The following ITPR1 variants were observed in gnomAD, a reference collection of about 807,000 sequenced individuals.
ITPR1 encodes inositol 1,4,5-trisphosphate-gated calcium channel ITPR1.
ITPR1 carries 96 observed loss-of-function variants against 318.4 expected under a neutral mutation model. The observed-to-expected ratio is 0.30, with a 90% CI of 0.26 to 0.36. ITPR1 has a LOEUF of 0.36. Ranked by LOEUF, ITPR1 falls within the 10% of genes least tolerant of loss-of-function variation. The pLI is 1.00. For missense variants in ITPR1, 2,440 were observed against 3,460.2 expected (o/e 0.71, Z 7.40); for synonymous variants, 1,312 against 1,289.9 (o/e 1.02, Z -0.37).
chr3:4,650,442 T>G (rs953222867), intron 10 of ITPR1, among the ~76,000 whole-genome samples: 7 of 152,228 alleles, frequency 4.6e-5, no homozygotes, highest in Non-Finnish European at 1.0e-4. Context: ...TTAAAGATTT[T>G]GATCCATTGT....
chr3:4,842,740 A>T (rs535400943), intron 61 of ITPR1, among the ~76,000 whole-genome samples: 43 of 152,366 alleles, frequency 2.8e-4, no homozygotes, highest in Middle Eastern at 3.4e-3. Context: ...TTTTGAATAC[A>T]GTTACCATAG....
At chr3:4,820,828 C>T (rs774042659) in intron 60 of ITPR1, among the ~76,000 whole-genome samples, 9 of 152,134 alleles carry the variant, frequency 5.9e-5, no homozygotes, top group South Asian at 2.1e-4. Context: ...ATCCCTGCTG[C>T]GGACTCCTAA....
chr3:4,813,196 A>G lies in ITPR1; in HGVS notation c.7523A>G (p.Glu2508Gly). 6.2e-7 allele frequency: 1 copy of G among 1,613,572 alleles called. No homozygotes were observed. Among genetic ancestry groups the G allele is most frequent in the African/African-American group, 1.3e-5 (1 of 75,000 alleles). ...CTGTTCTCCGATGTGTGTAGGGTGG[A>G]GAGTGGGGAGAACTGCTCCTCTCCT... ...EFLFSDVCRVESGENCSSPAP... is the reference protein window; with the variant it reads ...EFLFSDVCRVGSGENCSSPAP... Residue 2508 changes from glutamate to glycine, a missense_variant, in exon 57 of 62, where the codon GAG becomes GGG. Glu to Gly is a moderately conservative substitution (Grantham distance 98). Around this residue, in one of 23 missense-constraint regions of ITPR1, gnomAD observed 88 missense variants for 90.5 expected, o/e 0.97. Transcript: ENST00000649015.
chr3:4,690,136 G>T (rs920651033), intron 31 of ITPR1, among the ~76,000 whole-genome samples: 1 of 152,136 alleles, frequency 6.6e-6, no homozygotes, highest in African/African-American at 2.4e-5. Context: ...TATTAGTTGG[G>T]TATGATGGTG....
chr3:4,817,682 G>A (rs901855), intron 59 of ITPR1: 147,840 of 155,844 alleles, frequency 0.95, 70,613 homozygotes, highest in East Asian at 1. Context: ...ACCTTAACAT[G>A]TCTGCATTTT....
At chr3:4,586,987 A>G (rs1392053491) in intron 4 of ITPR1, among the ~76,000 whole-genome samples, 1 of 152,076 alleles carries the variant, frequency 6.6e-6, no homozygotes, top group Admixed American at 6.5e-5. Context: ...GCTTGATTGT[A>G]CTGGGAATCA....
chr3:4,545,093 G>C (rs1371251033), intron 4 of ITPR1, among the ~76,000 whole-genome samples: 31 of 152,164 alleles, frequency 2.0e-4, no homozygotes, highest in Non-Finnish European at 2.9e-5. Context: ...ACTGTGCTCA[G>C]CCTGGAGCTT....
At position 4,846,644 on chromosome 3, in the gene ITPR1, A is replaced by G. The variant is rs2051800802; in HGVS notation, c.*419A>G. The stretch of plus-strand genomic sequence containing the variant: ...CTCCCGAGTGTCCTAAAGGGAGTGC[A>G]CTTCTTTGAAGCTGGTGTGTTAATA... On this transcript the variant is annotated 3_prime_UTR_variant, in exon 62 of 62. Coordinates refer to ENST00000649015, the MANE Select transcript of ITPR1 (RefSeq NM_001378452.1). 6.5e-6 allele frequency: 1 copy of G among 153,758 alleles called. No individual in the cohort carries two copies. The highest frequency in any genetic ancestry group is 2.4e-5 in the African/African-American group (1 of 41,478). 9.5% of individuals were successfully genotyped at this position (153,758 alleles called of 1,614,324 possible).
rs2125423322 is a variant in ITPR1, at chr3:4,800,496, C to T, written c.7003C>T (p.Leu2335Phe). The change falls in exon 54 of 62, where the codon CTC becomes TTC. Residue 2335 changes from leucine to phenylalanine, a missense_variant. Transcript: ENST00000649015. Reference protein sequence around the residue: ...MLISLAIVIALPKPHGIRALI... With the variant: ...MLISLAIVIAFPKPHGIRALI... Reference sequence around the variant, plus strand: ...CATCTCTCTGGCCATCGTCATTGCCCTCCCCAAGCCCCATGGCATCCGGGC... The same window carrying T: ...CATCTCTCTGGCCATCGTCATTGCCTTCCCCAAGCCCCATGGCATCCGGGC... The T allele has an allele frequency of 6.2e-7, 1 of 1,613,996 alleles. No homozygotes were observed. Among genetic ancestry groups the T allele is most frequent in the South Asian group, 1.1e-5 (1 of 91,074 alleles).
At chr3:4,699,194 A>G (rs2094604221) in intron 34 of ITPR1, among the ~76,000 whole-genome samples, 1 of 151,932 alleles carries the variant, frequency 6.6e-6, no homozygotes, top group African/African-American at 2.4e-5. Flanking sequence ...ACTAAAAAAA[A>G]AAAAATACAA....
chr3:4,743,418 G>A (rs757327835), intron 44 of ITPR1, among the ~76,000 whole-genome samples: 11 of 152,232 alleles, frequency 7.2e-5, no homozygotes, highest in Non-Finnish European at 1.3e-4. Context: ...GTCATCCTTA[G>A]CGCAGCTCTC....
chr3:4,545,691 C>G (rs1271242527), intron 4 of ITPR1, among the ~76,000 whole-genome samples: 1 of 103,404 alleles, frequency 9.7e-6, no homozygotes, highest in Non-Finnish European at 1.9e-5. Context: ...AGTATGCAAA[C>G]TTTTTTTTTT....
At chr3:4,588,014 T>G (rs2090067204) in intron 4 of ITPR1, among the ~76,000 whole-genome samples, 1 of 152,176 alleles carries the variant, frequency 6.6e-6, no homozygotes, top group Non-Finnish European at 1.5e-5. Context: ...CTGTATTGAT[T>G]TTCCCCCCTC....
intron 30 of ITPR1, among the ~76,000 whole-genome samples, chr3:4,686,991 G>A (rs1270518997): frequency 6.6e-6 from 1 of 152,198 alleles, no homozygotes; most frequent in African/African-American, 2.4e-5. Flanking sequence ...TAATGTCCTT[G>A]TAAATTCTCC....
intron 4 of ITPR1, among the ~76,000 whole-genome samples, chr3:4,535,191 C>T (rs1459148721): frequency 2.0e-5 from 3 of 152,106 alleles, no homozygotes; most frequent in South Asian, 2.1e-4. Context: ...TTGCAAGCTA[C>T]AAGAACTTTA....
intron 4 of ITPR1, among the ~76,000 whole-genome samples, chr3:4,626,502 A>C (rs940549323): frequency 6.6e-6 from 1 of 152,146 alleles, no homozygotes; most frequent in Non-Finnish European, 1.5e-5. Flanking sequence ...CTCTAAGGGA[A>C]GGGTTGGTTC....
chr3:4,554,612 A>G (rs2085935585), intron 4 of ITPR1, among the ~76,000 whole-genome samples: 1 of 152,102 alleles, frequency 6.6e-6, no homozygotes, highest in African/African-American at 2.4e-5. Flanking sequence ...GTGTGGCTAC[A>G]GGTTACATCA....
At chr3:4,598,251 G>A (rs2091005043) in intron 4 of ITPR1, among the ~76,000 whole-genome samples, 1 of 152,198 alleles carries the variant, frequency 6.6e-6, no homozygotes, top group African/African-American at 2.4e-5. Context: ...CTTTAACCAG[G>A]ATGTGTGATA....
chr3:4,552,178 G>A (rs1364552739), intron 4 of ITPR1, among the ~76,000 whole-genome samples: 3 of 152,174 alleles, frequency 2.0e-5, no homozygotes, highest in African/African-American at 4.8e-5. Flanking sequence ...CGGGGTGGGG[G>A]AAATTCTCCC....
Sources: allele counts gnomAD v4.1 joint callset (sites outside exome capture counted in the v4.1 genomes callset), GRCh38; gene constraint gnomAD v4.1.1; regional missense constraint gnomAD v4.1.1; transcripts MANE v1.5; gene names NCBI Gene and HGNC (gene_info 2026-07-23, HGNC 2026-07-21).